DNAH17: variants seen among roughly 807,000 people sequenced by gnomAD.
The protein encoded by DNAH17 is axonemal beta dynein heavy chain 17.
Under a neutral mutation model 485.6 loss-of-function variants are expected in DNAH17, and 376 were observed. The observed-to-expected ratio is 0.77, with a 90% CI of 0.71 to 0.84. The LOEUF (loss-of-function observed/expected upper bound fraction) is 0.84. Ranked by LOEUF, DNAH17 falls within the 40% of genes least tolerant of loss-of-function variation. DNAH17 has a pLI of 0.00. For synonymous variants in DNAH17, 3,031 were observed against 2,405.9 expected (o/e 1.26, Z -7.60); for missense variants, 6,370 against 5,839.3 (o/e 1.09, Z -2.96).
At chr17:78,513,733 G>A (rs1344553384) in intron 26 of DNAH17, among the ~76,000 whole-genome samples, 1 of 152,176 alleles carries the variant, frequency 6.6e-6, no homozygotes, top group Admixed American at 6.5e-5. Context: ...ACCGCACCCG[G>A]CTTTCCTCTA....
intron 6 of DNAH17, 133 bp from the exon 7 acceptor site, chr17:78,570,505 A>T: frequency 4.3e-6 from 5 of 1,172,442 alleles, no homozygotes; most frequent in Non-Finnish European, 5.8e-6. Context: ...GGGAGAGGCA[A>T]CTCCCTAGGC....
At chr17:78,494,449 GA>G in intron 40 of DNAH17, 143 bp downstream of exon 40, 1 of 1,030,896 alleles carries the variant, frequency 9.7e-7, no homozygotes, top group East Asian at 2.6e-5. Context: ...CAGGGCCACG[GA>G]GGCAGCTGTG....
intron 6 of DNAH17, among the ~76,000 whole-genome samples, 186 bp from the exon 7 acceptor site, chr17:78,570,558 C>G (rs575420255): frequency 6.6e-6 from 1 of 152,034 alleles, no homozygotes; most frequent in Admixed American, 6.6e-5. Context: ...GCCCCACATG[C>G]CTTGAAGAAA....
intron 52 of DNAH17, among the ~76,000 whole-genome samples, 193 bp downstream of exon 52, chr17:78,476,379 C>G (rs571260524): frequency 6.6e-6 from 1 of 150,836 alleles, no homozygotes; most frequent in Admixed American, 6.6e-5. Flanking sequence ...CCCACAGCCA[C>G]GTGCCGGAGT....
intron 9 of DNAH17, among the ~76,000 whole-genome samples, chr17:78,568,682 C>T (rs1216414403): frequency 1.1e-4 from 17 of 152,314 alleles, no homozygotes; most frequent in Middle Eastern, 3.4e-3. Flanking sequence ...AACTTCTGAG[C>T]TCAAGTGATC....
chr17:78,489,047 G>A (rs2089735030), intron 44 of DNAH17, among the ~76,000 whole-genome samples: 1 of 152,128 alleles, frequency 6.6e-6, no homozygotes, highest in Non-Finnish European at 1.5e-5. Context: ...TGTTTCAGCA[G>A]CTGGAGAATG....
In DNAH17 at chr17:78,474,416, C is replaced by T. The variant is rs180847433; in HGVS notation, c.8511+862G>A. Among the ~76,000 whole-genome samples, 3 of 152,346 alleles carry T rather than the reference C, an allele frequency of 2.0e-5. No individual in the cohort carries two copies. In the East Asian group the frequency reaches 5.8e-4, roughly 29 times the overall value. Reference sequence around the variant, plus strand: ...TTCAGGAACAAGAAATCAATAAAAACCCTCAGCAGTGTGTGTTGGGCATGG... The same window carrying T: ...TTCAGGAACAAGAAATCAATAAAAATCCTCAGCAGTGTGTGTTGGGCATGG... On this transcript the variant is annotated intron_variant, in intron 54 of 80. Coordinates refer to ENST00000389840, the MANE Select transcript of DNAH17 (RefSeq NM_173628.4).
chr17:78,457,510 T>C (rs745705040), intron 62 of DNAH17, among the ~76,000 whole-genome samples: 84 of 152,302 alleles, frequency 5.5e-4, no homozygotes, highest in Non-Finnish European at 1.0e-3. Context: ...TTTGGATATT[T>C]GGGGTTAAAT....
chr17:78,562,967 G>A (rs1421242234), intron 11 of DNAH17, among the ~76,000 whole-genome samples: 1 of 152,194 alleles, frequency 6.6e-6, no homozygotes, highest in African/African-American at 2.4e-5. Context: ...CACGCCCAAT[G>A]GGGGCCAGAC....
At chr17:78,427,769 C>T (rs2086526870) in intron 77 of DNAH17, among the ~76,000 whole-genome samples, 1 of 152,118 alleles carries the variant, frequency 6.6e-6, no homozygotes, top group Non-Finnish European at 1.5e-5. Flanking sequence ...ATCAGGAGTT[C>T]AAAACCAGCC....
At chr17:78,505,124 G>A (rs1252408567) in intron 31 of DNAH17, among the ~76,000 whole-genome samples, 169 bp downstream of exon 31, 1 of 152,006 alleles carries the variant, frequency 6.6e-6, no homozygotes, top group African/African-American at 2.4e-5. Flanking sequence ...ATTCTATAAA[G>A]AGGCCCATCC....
rs529460911 is a variant in DNAH17 at position 78,515,719 on chromosome 17, C to T, written c.3865-697G>A. Among the ~76,000 whole-genome samples, 6 of 152,284 alleles carry T rather than the reference C, an allele frequency of 3.9e-5. No individual in the cohort carries two copies. The East Asian group carries it at 5.8e-4, about 15-fold the overall frequency. The stretch of plus-strand genomic sequence containing the variant: ...TGCCTTGGCAATCACAAAGGGGCAT[C>T]GCCGAAATACAGCCTGCACTGTGGA... On this transcript the variant is annotated intron_variant, in intron 25 of 80. Coordinates refer to ENST00000389840, the MANE Select transcript of DNAH17 (RefSeq NM_173628.4).
At chr17:78,540,405 T>G in intron 17 of DNAH17, among the ~76,000 whole-genome samples, 1 of 97,206 alleles carries the variant, frequency 1.0e-5, no homozygotes, top group African/African-American at 4.2e-5. Flanking sequence ...TGGATGGGGT[T>G]GGTAGATGGG....
rs71160294 is a variant in DNAH17, at chr17:78,425,756, C to CTTTTT, written c.12916-190_12916-186dup. ...TACCATGACGCAACTTTGGTGTCTG[C>CTTTTT]TTTTTTTTTTTTTTTTTTTTTTTTT... On this transcript the variant is annotated intron_variant, in intron 79 of 80. Transcript: ENST00000389840. Among the ~76,000 whole-genome samples the CTTTTT allele has an allele frequency of 7.5e-3, 908 of 120,564 alleles. 76 individuals carry two copies. Among genetic ancestry groups the CTTTTT allele is most frequent in the African/African-American group, 0.011 (291 of 26,176 alleles). 79.1% of individuals were successfully genotyped at this position (120,564 alleles called of 152,430 possible).
At chr17:78,530,693 G>A (rs780376195) in intron 20 of DNAH17, among the ~76,000 whole-genome samples, 181 bp from the exon 21 acceptor site, 1 of 152,136 alleles carries the variant, frequency 6.6e-6, no homozygotes, top group African/African-American at 2.4e-5. Context: ...CCAAGTTATT[G>A]TTCCTTCCAG....
chr17:78,476,816 G>GC (rs1598526023), intron 51 of DNAH17, 83 bp from the exon 52 acceptor site: 2 of 1,489,100 alleles, frequency 1.3e-6, no homozygotes, highest in East Asian at 4.8e-5. Flanking sequence ...CTGAGGAGCA[G>GC]CCCCCTCCCC....
At position 78,444,610 on chromosome 17, in the gene DNAH17, G is replaced by GCGTA; in HGVS notation, c.11518_11521dup (p.Ala3841ValfsTer22). 6.4e-7 allele frequency: 1 copy of GCGTA among 1,562,680 alleles called. No homozygotes were observed. The highest frequency in any genetic ancestry group is 2.4e-5 in the East Asian group (1 of 41,962). On this transcript the variant is annotated frameshift_variant, in exon 71 of 81. Coordinates refer to ENST00000389840, the MANE Select transcript of DNAH17 (RefSeq NM_173628.4). LOFTEE classifies it high-confidence loss of function. ...GGCGCGGCGGGACACTCACTTGATA[G>GCGTA]CGTAGGTCATGCGATCTGGCCGCAG...
chr17:78,543,416 A>G (rs1344233322), intron 17 of DNAH17, among the ~76,000 whole-genome samples: 6 of 151,454 alleles, frequency 4.0e-5, no homozygotes, highest in Admixed American at 1.3e-4. Context: ...TCAGCCTCCC[A>G]AGTAGCTGGG....
chr17:78,551,117 A>C (rs1244015348), intron 16 of DNAH17, among the ~76,000 whole-genome samples: 2 of 152,218 alleles, frequency 1.3e-5, no homozygotes, highest in Non-Finnish European at 2.9e-5. Flanking sequence ...GTTTTTGCAC[A>C]TTAGAGCATC....
Sources: gnomAD v4.1 joint callset for allele counts (sites outside exome capture counted in the v4.1 genomes callset) on GRCh38, gnomAD v4.1.1 for gene constraint, MANE v1.5 for transcripts, NCBI Gene and HGNC (gene_info 2026-07-23, HGNC 2026-07-21) for gene names.